Variants in PACRG observed in about 807,000 individuals in gnomAD.
PACRG encodes the protein parkin coregulated, also known as parkin coregulated gene protein.
PACRG carries 29 observed loss-of-function variants against 29.7 expected under a neutral mutation model. That is an observed-to-expected ratio of 0.98 (90% CI 0.73 to 1.33). The LOEUF is 1.33. Among genes scored for constraint, PACRG ranks in the 40% most tolerant of loss-of-function variants. The pLI is 0.00. For missense variants in PACRG, 279 were observed against 316.2 expected, an observed-to-expected ratio of 0.88 and a Z score of 0.89; for synonymous variants, 116 against 118.7, an observed-to-expected ratio of 0.98 and a Z score of 0.15.
chr6:163,079,140 A>G (rs1276264169), intron 3 of PACRG, among the ~76,000 whole-genome samples: 2 of 152,110 alleles, frequency 1.3e-5, no homozygotes, highest in African/African-American at 4.8e-5. Context: ...TACAAATAGA[A>G]CATTTAGCAT....
intron 2 of PACRG, among the ~76,000 whole-genome samples, chr6:163,014,433 C>G (rs956749193): frequency 1.3e-4 from 20 of 152,146 alleles, no homozygotes; most frequent in East Asian, 7.7e-4. Flanking sequence ...AATCTCCAAA[C>G]TGTTTTCCAC....
chr6:163,033,955 A>G (rs1381889872), intron 2 of PACRG, among the ~76,000 whole-genome samples: 4 of 152,236 alleles, frequency 2.6e-5, no homozygotes, highest in Admixed American at 2.0e-4. Flanking sequence ...AAAGACACAT[A>G]AAGCACACCA....
chr6:163,141,782 C>T (rs544611969), intron 4 of PACRG, among the ~76,000 whole-genome samples: 11 of 151,982 alleles, frequency 7.2e-5, no homozygotes, highest in African/African-American at 2.7e-4. Context: ...ATAGCAGAAA[C>T]ATGTAAAGTA....
At chr6:162,926,341 C>T (rs1228682407) in intron 2 of PACRG, among the ~76,000 whole-genome samples, 2 of 151,714 alleles carry the variant, frequency 1.3e-5, no homozygotes, top group Non-Finnish European at 2.9e-5. Context: ...GCCCATATAT[C>T]CAAGACAATC....
chr6:162,824,917 A>G (rs1180806244), intron 2 of PACRG, among the ~76,000 whole-genome samples: 1 of 152,202 alleles, frequency 6.6e-6, no homozygotes. Context: ...GTATGTGTTA[A>G]ACATTTGCTG....
chr6:163,117,624 A>G (rs1375707767), intron 4 of PACRG, among the ~76,000 whole-genome samples: 3 of 151,828 alleles, frequency 2.0e-5, no homozygotes, highest in African/African-American at 7.3e-5. Flanking sequence ...GGTGGTGGGA[A>G]CCTGTAATCC....
chr6:163,214,251 T>C (rs1268800189), intron 4 of PACRG, among the ~76,000 whole-genome samples: 2 of 152,142 alleles, frequency 1.3e-5, no homozygotes, highest in African/African-American at 4.8e-5. Context: ...TAAACTTAAA[T>C]TTCAAATAGC....
At chr6:162,907,235 T>C (rs1182126839) in intron 2 of PACRG, among the ~76,000 whole-genome samples, 1 of 152,226 alleles carries the variant, frequency 6.6e-6, no homozygotes, top group Non-Finnish European at 1.5e-5. Flanking sequence ...TGTTGCAGCT[T>C]TAAAATACGG....
chr6:163,186,425 GCAGACA>G (rs1454831760), intron 4 of PACRG, among the ~76,000 whole-genome samples: 1 of 151,532 alleles, frequency 6.6e-6, no homozygotes, highest in African/African-American at 2.4e-5. Flanking sequence ...ACACACACAC[GCAGACA>G]CAGACACACA....
chr6:163,155,764 C>G (rs948711927), intron 4 of PACRG, among the ~76,000 whole-genome samples: 18 of 152,256 alleles, frequency 1.2e-4, no homozygotes, highest in South Asian at 6.2e-4. Context: ...GAGTCTCTAT[C>G]CTGTCCCAAC....
intron 4 of PACRG, among the ~76,000 whole-genome samples, chr6:163,141,145 C>G (rs1475754262): frequency 6.6e-6 from 1 of 152,016 alleles, no homozygotes; most frequent in African/African-American, 2.4e-5. Flanking sequence ...GCCCGAGACA[C>G]AAGGCAGTGG....
intron 2 of PACRG, among the ~76,000 whole-genome samples, chr6:162,894,038 C>G (rs1794981901): frequency 6.6e-6 from 1 of 152,182 alleles, no homozygotes. Flanking sequence ...CTCGGCGCAC[C>G]ATTGTCCTTT....
intron 4 of PACRG, among the ~76,000 whole-genome samples, chr6:163,154,188 C>T (rs1778220328): frequency 6.6e-6 from 1 of 152,138 alleles, no homozygotes; most frequent in African/African-American, 2.4e-5. Flanking sequence ...CGGAGCTGGA[C>T]GTGCCCCCAG....
At chr6:163,259,245 G>A (rs927359515) in intron 4 of PACRG, among the ~76,000 whole-genome samples, 5 of 152,184 alleles carry the variant, frequency 3.3e-5, no homozygotes, top group Non-Finnish European at 4.4e-5. Context: ...TTCAGCAAAA[G>A]CATGAGAAGA....
intron 4 of PACRG, among the ~76,000 whole-genome samples, chr6:163,243,805 C>T (rs1782592011): frequency 6.6e-6 from 1 of 152,174 alleles, no homozygotes; most frequent in Admixed American, 6.5e-5. Flanking sequence ...CTTGTTTTAA[C>T]CAACAGAAGA....
intron 2 of PACRG, among the ~76,000 whole-genome samples, chr6:163,010,577 C>T (rs1805518736): frequency 6.6e-6 from 1 of 152,178 alleles, no homozygotes; most frequent in African/African-American, 2.4e-5. Flanking sequence ...ACCTTTATTT[C>T]ATCATGTAGC....
chr6:163,123,435 G>T (rs80334125), intron 4 of PACRG, among the ~76,000 whole-genome samples: 2 of 152,246 alleles, frequency 1.3e-5, no homozygotes, highest in African/African-American at 4.8e-5. Context: ...GAAATGGTTT[G>T]GGGGGTCGCT....
chr6:162,784,645 G>C (rs942674338), intron 1 of PACRG, among the ~76,000 whole-genome samples: 6 of 152,188 alleles, frequency 3.9e-5, no homozygotes, highest in African/African-American at 1.2e-4. Context: ...CAACTGGTCA[G>C]TAGGGCTATG....
intron 1 of PACRG, among the ~76,000 whole-genome samples, chr6:162,784,657 G>A (rs1366392139): frequency 6.6e-6 from 1 of 152,134 alleles, no homozygotes; most frequent in Non-Finnish European, 1.5e-5. Context: ...AGGGCTATGA[G>A]AAAACAGATA....
Sources: gnomAD v4.1 joint callset for allele counts (sites outside exome capture counted in the v4.1 genomes callset) on GRCh38, gnomAD v4.1.1 for gene constraint, MANE v1.5 for transcripts, NCBI Gene and HGNC (gene_info 2026-07-23, HGNC 2026-07-21) for gene names.